Variants in ZFP91 observed in about 807,000 individuals in gnomAD.
ZFP91 encodes the protein ZFP91 zinc finger protein, atypical E3 ubiquitin ligase, also known as E3 ubiquitin-protein ligase ZFP91.
In ZFP91, 7 loss-of-function variants were observed where a neutral mutation model predicts 63.5. The ratio of observed to expected loss-of-function variants is 0.11; its 90% CI spans 0.06 to 0.21. The LOEUF (loss-of-function observed/expected upper bound fraction) is 0.21, where lower values mean the gene tolerates loss of function less well. ZFP91 is among the 10% of genes least tolerant of loss of function. The pLI, the probability that ZFP91 is intolerant of heterozygous loss-of-function variation, is 1.00. For synonymous variants in ZFP91, 330 were observed against 272.1 expected (o/e 1.21, Z -2.10); for missense variants, 628 against 736.6 (o/e 0.85, Z 1.71).
chr11:58,612,477 TATG>T (rs1228001262), intron 7 of ZFP91, 149 bp downstream of exon 7: 14 of 712,976 alleles, frequency 2.0e-5, no homozygotes, highest in Non-Finnish European at 3.0e-5. Context: ...GCACAGGTGT[TATG>T]ATCTTATTTT....
At chr11:58,600,496 G>A (rs957271405) in intron 2 of ZFP91, among the ~76,000 whole-genome samples, 1 of 151,942 alleles carries the variant, frequency 6.6e-6, no homozygotes, top group Non-Finnish European at 1.5e-5. Flanking sequence ...TGAATGTTAC[G>A]TGTTGGTATT....
chr11:58,583,286 C>T (rs1038279733), intron 1 of ZFP91, among the ~76,000 whole-genome samples: 3 of 152,046 alleles, frequency 2.0e-5, no homozygotes, highest in African/African-American at 7.2e-5. Context: ...ATTCTAACTT[C>T]GCTGTTGAGT....
intron 2 of ZFP91, among the ~76,000 whole-genome samples, chr11:58,608,829 G>C (rs558458298): frequency 6.6e-6 from 1 of 152,138 alleles, no homozygotes; most frequent in South Asian, 2.1e-4. Flanking sequence ...GGTCACAAAC[G>C]CCTGACCTTT....
At chr11:58,609,516 A>G (rs1855622928) in intron 2 of ZFP91, among the ~76,000 whole-genome samples, 1 of 152,170 alleles carries the variant, frequency 6.6e-6, no homozygotes, top group Non-Finnish European at 1.5e-5. Flanking sequence ...GTTTCTTTTA[A>G]CTTAGATCTA....
At chr11:58,592,659 G>GT (rs1343350360) in intron 2 of ZFP91, among the ~76,000 whole-genome samples, 1 of 152,134 alleles carries the variant, frequency 6.6e-6, no homozygotes, top group Non-Finnish European at 1.5e-5. Flanking sequence ...ACGCTGGGGG[G>GT]TTAGGAGGTG....
chr11:58,587,466 T>G (rs1215085468), intron 2 of ZFP91, among the ~76,000 whole-genome samples: 2 of 152,210 alleles, frequency 1.3e-5, no homozygotes, highest in Admixed American at 6.5e-5. Context: ...ATAGTTAATT[T>G]GGACAAGGAA....
At chr11:58,593,915 T>G (rs1329597312) in intron 2 of ZFP91, among the ~76,000 whole-genome samples, 1 of 152,250 alleles carries the variant, frequency 6.6e-6, no homozygotes, top group African/African-American at 2.4e-5. Flanking sequence ...GTCTGTTTCC[T>G]AAGTATTTCT....
chr11:58,612,351 G>A, intron 7 of ZFP91, 23 bp downstream of exon 7: 3 of 1,611,768 alleles, frequency 1.9e-6, no homozygotes, highest in Non-Finnish European at 2.5e-6. Flanking sequence ...TACCCCTACT[G>A]TTTTACACCT....
intron 1 of ZFP91, among the ~76,000 whole-genome samples, chr11:58,582,635 A>G (rs1277734217): frequency 2.0e-5 from 3 of 152,212 alleles, no homozygotes; most frequent in African/African-American, 7.2e-5. Context: ...GACTTTAGTC[A>G]GAAAGTTTTA....
In ZFP91 at chr11:58,617,577, G is replaced by A. The variant is rs774107114; in HGVS notation, c.1584G>A (p.Leu528=). ...GCAGTGGGACGGAACGGGTGAGCCT[G>A]ATGGCTGATGGGAAGATCTTTGTGG... is the stretch of plus-strand genomic sequence containing the variant. ...SYCSGTERVS[L]MADGKIFVGS... is the part of the protein sequence containing the mutation. The change falls in exon 11 of 11, where the codon CTG becomes CTA. Residue 528 remains leucine (L), a synonymous_variant. Transcript: ENST00000316059. The surrounding 1 kb of genome is among the most constrained non-coding windows in gnomAD (Gnocchi z 4.2). 6.2e-7 allele frequency: 1 copy of A among 1,610,600 alleles called. No homozygotes were observed. The highest frequency in any genetic ancestry group is 1.1e-5 in the South Asian group (1 of 90,498).
intron 2 of ZFP91, among the ~76,000 whole-genome samples, chr11:58,608,528 A>C (rs1253498601): frequency 6.6e-6 from 1 of 152,202 alleles, no homozygotes; most frequent in African/African-American, 2.4e-5. Flanking sequence ...CCAATATGAT[A>C]CATGAAAAAT....
intron 2 of ZFP91, among the ~76,000 whole-genome samples, chr11:58,586,542 A>C (rs1174097564): frequency 2.0e-5 from 3 of 152,166 alleles, no homozygotes; most frequent in Non-Finnish European, 4.4e-5. Flanking sequence ...TTTACTGTTT[A>C]AAGGCCCTGG....
intron 5 of ZFP91, 174 bp downstream of exon 5, chr11:58,611,228 C>A (rs1020915320): frequency 3.9e-6 from 2 of 514,126 alleles, no homozygotes; most frequent in Non-Finnish European, 6.6e-6. Context: ...TGATAATAAT[C>A]CTCTTTCCCA....
intron 10 of ZFP91, 126 bp downstream of exon 10, chr11:58,616,941 G>A (rs980092204): frequency 6.3e-6 from 6 of 958,034 alleles, no homozygotes; most frequent in Non-Finnish European, 6.3e-6. Flanking sequence ...AGTGGATATT[G>A]ATTGGGGGCA....
Position 58,617,496 on chromosome 11 carries a change from C to G in ZFP91, c.1503C>G (p.Asn501Lys). ...GLPLLPEPLG[N>K]STSGECLLLE... ...CTCTTCTTCCTGAGCCCTTGGGAAA[C>G]TCAACCTCTGGAGAGTGCCTACTGT... The change falls in exon 11 of 11, where the codon AAC becomes AAG. Residue 501 changes from asparagine (N) to lysine (K), a missense_variant. Asn to Lys is a moderately conservative substitution (Grantham distance 94). Around this residue, in one of 3 missense-constraint regions of ZFP91, gnomAD observed 115 missense variants for 125.4 expected, o/e 0.92. Coordinates refer to ENST00000316059, the MANE Select transcript of ZFP91 (RefSeq NM_053023.5). The surrounding 1 kb of genome is among the most constrained non-coding windows in gnomAD (Gnocchi z 4.2). 6.2e-7 allele frequency: 1 copy of G among 1,614,140 alleles called. No individual in the cohort carries two copies. Among genetic ancestry groups the G allele is most frequent in the Non-Finnish European group, 8.5e-7 (1 of 1,179,998 alleles).
Position 58,618,170 on chromosome 11 carries a change from C to T in ZFP91, c.*464C>T, listed in dbSNP as rs191897451. 424 of 158,090 alleles carry T rather than the reference C, an allele frequency of 2.7e-3. 3 individuals carry two copies. The highest frequency in any genetic ancestry group is 9.6e-3 in the African/African-American group (399 of 41,612). 9.8% of individuals were successfully genotyped at this position (158,090 alleles called of 1,614,324 possible). ...CCTGCGGCACACTTATCTTCAAATACCATAGAATTCTAATCTCTGGAGGCT... is the reference window on the plus strand; with the variant it reads ...CCTGCGGCACACTTATCTTCAAATATCATAGAATTCTAATCTCTGGAGGCT... On this transcript the variant is annotated 3_prime_UTR_variant, in exon 11 of 11. Transcript: ENST00000316059.
At position 58,620,651 on chromosome 11, in the gene ZFP91, C is replaced by T. The variant is rs914174395; in HGVS notation, c.*2945C>T. On this transcript the variant is annotated 3_prime_UTR_variant, in exon 11 of 11. Transcript: ENST00000316059. ...CTAGCATCCACATAGAGCACTTGAA[C>T]CTCCTTTGTACCTGTTTGGGGAAAA... is the stretch of plus-strand genomic sequence containing the variant. 35 of 152,572 alleles carry T rather than the reference C, an allele frequency of 2.3e-4. No individual in the cohort carries two copies. The highest frequency in any genetic ancestry group is 8.0e-4 in the African/African-American group (33 of 41,418). The allele number at this position is 152,572 out of a possible 1,614,324, so 9.5% of individuals were successfully genotyped here. A position where few individuals can be genotyped will look rare whatever the true frequency, so the allele number is the denominator to read the frequency against.
At chr11:58,611,132 G>A (rs1238612246) in intron 5 of ZFP91, 78 bp downstream of exon 5, 1 of 1,306,600 alleles carries the variant, frequency 7.7e-7, no homozygotes, top group Admixed American at 1.9e-5. Flanking sequence ...TATTTTATCT[G>A]TTGCCAAGCT....
rs377479939 is a variant in ZFP91, at chr11:58,590,703, T to A, written c.370+5819T>A. The stretch of plus-strand genomic sequence containing the variant: ...TCAGTGTATAGGTCTTTCAAATTTT[T>A]TATCCCATATATCCCTGAGTATTTC... On this transcript the variant is annotated intron_variant, in intron 2 of 10. Coordinates refer to ENST00000316059, the MANE Select transcript of ZFP91 (RefSeq NM_053023.5). Among the ~76,000 whole-genome samples the A allele has an allele frequency of 2.5e-3, 387 of 152,348 alleles. 16 individuals are homozygous for A. In the South Asian group the frequency reaches 0.076, roughly 30 times the overall value.
Sources: allele counts gnomAD v4.1 joint callset (sites outside exome capture counted in the v4.1 genomes callset), GRCh38; gene constraint gnomAD v4.1.1; regional missense constraint gnomAD v4.1.1; non-coding constraint Gnocchi (gnomAD v3.1); transcripts MANE v1.5; gene names NCBI Gene and HGNC (gene_info 2026-07-23, HGNC 2026-07-21).